The following SLCO3A1 variants were observed in gnomAD, a reference collection of about 807,000 sequenced individuals.
SLCO3A1 encodes solute carrier organic anion transporter family member 3A1.
SLCO3A1 carries 27 observed loss-of-function variants against 63.1 expected under a neutral mutation model. That is an observed-to-expected ratio of 0.43 (90% CI 0.32 to 0.59). The LOEUF (loss-of-function observed/expected upper bound fraction) is 0.59. SLCO3A1 is among the 20% of genes least tolerant of loss of function. SLCO3A1 has a pLI of 0.09. For missense variants in SLCO3A1, 773 were observed against 945.8 expected (o/e 0.82, Z 2.40); for synonymous variants, 473 against 409.9 (o/e 1.15, Z -1.86).
chr15:92,146,000 GGA>G (rs2048217357), intron 7 of SLCO3A1, among the ~76,000 whole-genome samples: 7 of 152,138 alleles, frequency 4.6e-5, no homozygotes, highest in African/African-American at 1.7e-4. Flanking sequence ...GAGGACCAGA[GGA>G]GGAGAACTGT....
In SLCO3A1 at chr15:91,854,154, C is replaced by T. The variant is rs1896850315; in HGVS notation, c.180+66C>T. 1.6e-6 allele frequency: 2 copies of T among 1,287,534 alleles called. No homozygotes were observed. The highest frequency in any genetic ancestry group is 4.4e-5 in the South Asian group (2 of 45,328). The allele number at this position is 1,287,534 out of a possible 1,614,324, so 79.8% of individuals were successfully genotyped here. On this transcript the variant is annotated intron_variant, in intron 1 of 9. Coordinates refer to ENST00000318445, the MANE Select transcript of SLCO3A1 (RefSeq NM_013272.4). The surrounding 1 kb of genome is among the most constrained non-coding windows in gnomAD (Gnocchi z 6.4). ...GCCCGGCTCTCGAGCGGCCGCCTGG[C>T]CCGACGAGGGGGCCGCCCGGCGCTG...
chr15:91,903,320 T>C (rs1173743005), intron 1 of SLCO3A1, among the ~76,000 whole-genome samples: 1 of 152,210 alleles, frequency 6.6e-6, no homozygotes, highest in East Asian at 1.9e-4. Flanking sequence ...CCAAATTGCC[T>C]GGTGCTGCTC....
rs145663441 is a variant in SLCO3A1 at position 91,919,121 on chromosome 15, C to T, written c.646+2663C>T. On this transcript the variant is annotated intron_variant, in intron 2 of 9. Coordinates refer to ENST00000318445, the MANE Select transcript of SLCO3A1 (RefSeq NM_013272.4). Reference sequence around the variant, plus strand: ...GTGATGACACCTGCCCCGGGTCACCCGCATTGTGGGTCACTAGATGGGTGC... The same window carrying T: ...GTGATGACACCTGCCCCGGGTCACCTGCATTGTGGGTCACTAGATGGGTGC... 3.5e-3 allele frequency among the ~76,000 whole-genome samples: 527 copies of T among 152,350 alleles called. 3 individuals carry two copies. Among genetic ancestry groups the T allele is most frequent in the African/African-American group, 0.011 (452 of 41,582 alleles).
intron 2 of SLCO3A1, among the ~76,000 whole-genome samples, chr15:91,980,463 G>A (rs972523014): frequency 9.2e-5 from 14 of 151,408 alleles, no homozygotes; most frequent in Admixed American, 2.6e-4. Context: ...GAATGGATTC[G>A]TAGGGTGATA....
chr15:92,115,318 T>A (rs2047780705), intron 4 of SLCO3A1, among the ~76,000 whole-genome samples: 1 of 151,956 alleles, frequency 6.6e-6, no homozygotes. Context: ...ACTTTCTCCA[T>A]GGCTATGGCT....
chr15:92,161,914 G>A (rs1016785311), intron 9 of SLCO3A1: 2 of 148,432 alleles, frequency 1.3e-5, no homozygotes, highest in East Asian at 2.0e-4. Flanking sequence ...GTATGCCGGC[G>A]CTTTGCAGTT....
At chr15:92,053,688 G>T (rs201336804) in intron 2 of SLCO3A1, among the ~76,000 whole-genome samples, 668 of 11,600 alleles carry the variant, frequency 0.058, 9 homozygotes, top group African/African-American at 0.093. Context: ...TTTTTTGTTT[G>T]TTTGTTTGTT....
chr15:92,172,056 A>G, exon 11 of SLCO3A1: 2 of 569,154 alleles, frequency 3.5e-6, no homozygotes, highest in Non-Finnish European at 6.3e-6. Flanking sequence ...TATGGTCAGG[A>G]GTACTCCAAA....
chr15:92,005,742 C>T (rs947949962), intron 2 of SLCO3A1, among the ~76,000 whole-genome samples: 2 of 152,186 alleles, frequency 1.3e-5, no homozygotes, highest in Non-Finnish European at 2.9e-5. Flanking sequence ...TTTTACACAA[C>T]CCGATAGATT....
chr15:91,868,072 G>T (rs1897208936), intron 1 of SLCO3A1, among the ~76,000 whole-genome samples: 1 of 151,816 alleles, frequency 6.6e-6, no homozygotes, highest in African/African-American at 2.4e-5. Context: ...TTTTTGAGGG[G>T]ATGGAGTCTC....
intron 2 of SLCO3A1, among the ~76,000 whole-genome samples, chr15:91,998,090 C>T (rs553560674): frequency 9.2e-5 from 14 of 152,326 alleles, no homozygotes; most frequent in African/African-American, 3.1e-4. Flanking sequence ...TCAAACTATG[C>T]ATTCGACAAA....
chr15:91,989,842 A>G (rs2046104002), intron 2 of SLCO3A1, among the ~76,000 whole-genome samples: 1 of 152,254 alleles, frequency 6.6e-6, no homozygotes, highest in African/African-American at 2.4e-5. Flanking sequence ...AATGAATTAG[A>G]GGACAGAATT....
chr15:92,160,583 A>T (rs1374871564), intron 9 of SLCO3A1, among the ~76,000 whole-genome samples: 2 of 152,140 alleles, frequency 1.3e-5, no homozygotes, highest in East Asian at 3.9e-4. Context: ...GAGCTTATTT[A>T]TTAAATCGAG....
chr15:92,009,728 A>T (rs1179122040), intron 2 of SLCO3A1, among the ~76,000 whole-genome samples: 1 of 152,214 alleles, frequency 6.6e-6, no homozygotes, highest in African/African-American at 2.4e-5. Flanking sequence ...TCCTTCTAAA[A>T]GCTTCCTTAA....
intron 2 of SLCO3A1, among the ~76,000 whole-genome samples, chr15:92,086,280 C>T (rs141869275): frequency 1.4e-3 from 220 of 152,314 alleles, no homozygotes; most frequent in Middle Eastern, 3.4e-3. Context: ...TCCTTGCCAA[C>T]ACTTGGTAGT....
intron 2 of SLCO3A1, among the ~76,000 whole-genome samples, chr15:91,966,388 C>T (rs559786689): frequency 2.0e-5 from 3 of 152,324 alleles, no homozygotes; most frequent in African/African-American, 4.8e-5. Flanking sequence ...CGATGATTCT[C>T]ATGGCCTGTG....
At chr15:91,989,144 G>A (rs776174734) in intron 2 of SLCO3A1, among the ~76,000 whole-genome samples, 9 of 152,114 alleles carry the variant, frequency 5.9e-5, no homozygotes, top group Non-Finnish European at 7.4e-5. Flanking sequence ...ATTCCACTGT[G>A]CCTTCGCATA....
intron 3 of SLCO3A1, among the ~76,000 whole-genome samples, chr15:92,095,433 A>G (rs763206796): frequency 4.6e-5 from 7 of 152,258 alleles, no homozygotes; most frequent in South Asian, 2.1e-4. Flanking sequence ...AACGGGGTCA[A>G]TGAGACAGAA....
chr15:91,873,841 T>C (rs1280973759), intron 1 of SLCO3A1, among the ~76,000 whole-genome samples: 1 of 152,246 alleles, frequency 6.6e-6, no homozygotes, highest in Non-Finnish European at 1.5e-5. Flanking sequence ...TATTTATTTG[T>C]TTATAAACAG....
Sources: allele counts gnomAD v4.1 joint callset (sites outside exome capture counted in the v4.1 genomes callset), GRCh38; gene constraint gnomAD v4.1.1; non-coding constraint Gnocchi (gnomAD v3.1); transcripts MANE v1.5; gene names NCBI Gene and HGNC (gene_info 2026-07-23, HGNC 2026-07-21).